Variants in ORC1 observed in about 807,000 individuals in gnomAD.
The protein encoded by ORC1 is origin recognition complex subunit 1.
In ORC1, 61 loss-of-function variants were observed where a neutral mutation model predicts 98.9. The ratio of observed to expected loss-of-function variants is 0.62; its 90% confidence interval spans 0.50 to 0.76. ORC1 has a LOEUF of 0.76. Among genes scored for constraint, ORC1 ranks in the 30% least tolerant of loss-of-function variants. The probability of loss-of-function intolerance (pLI) is 0.00; values close to 1 mark genes in which losing one functional copy is unlikely to be tolerated. For synonymous variants in ORC1, 385 were observed against 406.9 expected, an observed-to-expected ratio of 0.95 and a Z score of 0.65; for missense variants, 979 against 1,072.2, an observed-to-expected ratio of 0.91 and a Z score of 1.21.
intron 7 of ORC1, among the ~76,000 whole-genome samples, chr1:52,389,000 T>C (rs1363301996): frequency 1.3e-5 from 2 of 150,988 alleles, no homozygotes; most frequent in East Asian, 4.1e-4. Context: ...TTGCTGGACA[T>C]GATGATTAGG....
chr1:52,408,113 C>T (rs1249660863), upstream of ORC1, among the ~76,000 whole-genome samples: 2 of 149,452 alleles, frequency 1.3e-5, no homozygotes, highest in South Asian at 2.1e-4. Context: ...TGGTGGCGGG[C>T]GCCTGTAATC....
At chr1:52,399,702 G>A in intron 3 of ORC1, among the ~76,000 whole-genome samples, 1 of 151,882 alleles carries the variant, frequency 6.6e-6, no homozygotes, top group Non-Finnish European at 1.5e-5. Flanking sequence ...CAGCTACTTG[G>A]GAGGCTGAGG....
At chr1:52,408,181 A>T, upstream of ORC1, 1 of 338,566 alleles carries the variant, frequency 3.0e-6, no homozygotes, top group Non-Finnish European at 5.7e-6. Flanking sequence ...CGGAGGTTGC[A>T]GTGAGCCAAG....
chr1:52,374,904 G>A lies in ORC1; in HGVS notation c.2304-7C>T. On this transcript the variant is annotated splice_region_variant and splice_polypyrimidine_tract_variant and intron_variant, in intron 15 of 16. Transcript: ENST00000371568. ...TTCCAGAACAGAGGAATTTCTTAAA[G>A]GAAACGAGGGGATGTGAGTTTTTGT... 6.3e-7 allele frequency: 1 copy of A among 1,593,946 alleles called. No individual in the cohort carries two copies. The highest frequency in any genetic ancestry group is 8.6e-7 in the Non-Finnish European group (1 of 1,161,712).
Position 52,393,725 on chromosome 1 carries a change from G to C in ORC1, c.800C>G (p.Ala267Gly). The change falls in exon 6 of 17, where the codon GCC becomes GGC. Residue 267 changes from alanine to glycine, a missense_variant. Transcript: ENST00000371568. Reference sequence around the variant, plus strand: ...AGAAGGTGAGGTGATCTCCGAGAAGGCCACTTTCCGTTTTATTCTTCCTGG... The same window carrying C: ...AGAAGGTGAGGTGATCTCCGAGAAGCCCACTTTCCGTTTTATTCTTCCTGG... ...DSPGRIKRKV[A>G]FSEITSPSKR... is the part of the protein sequence containing the mutation. 6.2e-7 allele frequency: 1 copy of C among 1,613,980 alleles called. No individual in the cohort carries two copies. The highest frequency in any genetic ancestry group is 8.5e-7 in the Non-Finnish European group (1 of 1,179,994).
At chr1:52,379,552 G>T (rs1647035903) in intron 14 of ORC1, among the ~76,000 whole-genome samples, 1 of 151,984 alleles carries the variant, frequency 6.6e-6, no homozygotes, top group Admixed American at 6.6e-5. Context: ...CAAAAGTAGA[G>T]AATATTTGGT....
intron 14 of ORC1, 34 bp downstream of exon 14, chr1:52,381,608 G>A: frequency 1.2e-6 from 2 of 1,609,196 alleles, no homozygotes; most frequent in Non-Finnish European, 1.7e-6. Context: ...GCAAAGATGT[G>A]CTGACTGATT....
Position 52,381,727 on chromosome 1 carries a change from T to C in ORC1, c.2048A>G (p.Tyr683Cys). 1 of 1,613,534 alleles carries C rather than the reference T, an allele frequency of 6.2e-7. No individual in the cohort carries two copies. Among genetic ancestry groups the C allele is most frequent in the Non-Finnish European group, 8.5e-7 (1 of 1,179,694 alleles). ...CCTTAGGATCTGCTGCAGCTGGCTA[T>C]ATGTATAGGGCTGGAAGCACATCCT... ...LTRMCFQPYT[Y>C]SQLQQILRSR... Residue 683 changes from tyrosine to cysteine, a missense_variant, in exon 14 of 17, where the codon TAT (tyrosine) becomes TGT (cysteine). By Grantham distance (194) the Tyr-to-Cys change is radical (BLOSUM62 -2). Transcript: ENST00000371568.
In ORC1 at chr1:52,384,599, T is replaced by C; in HGVS notation, c.1706A>G (p.Asn569Ser). The change falls in exon 11 of 17, where the codon AAT becomes AGT. Residue 569 changes from asparagine (N) to serine (S), a missense_variant. Coordinates refer to ENST00000371568, the MANE Select transcript of ORC1 (RefSeq NM_004153.4). ...DVPPFQYIEV[N>S]GMKLTEPHQV... ...GTGGGGCTCCGTCAGCTTCATGCCA[T>C]TGACCTCAATGTATTGAAAGGGAGG... The C allele has an allele frequency of 6.2e-7, 1 of 1,614,102 alleles. No homozygotes were observed. Among genetic ancestry groups the C allele is most frequent in the South Asian group, 1.1e-5 (1 of 91,080 alleles).
chr1:52,408,487 C>T, upstream of ORC1: 6 of 1,567,084 alleles, frequency 3.8e-6, no homozygotes, highest in Non-Finnish European at 4.4e-6. Flanking sequence ...CATGTTTATC[C>T]ACTACTGTCA....
chr1:52,387,480 TAG>T (rs201473504), intron 8 of ORC1, among the ~76,000 whole-genome samples: 1,826 of 152,256 alleles, frequency 0.012, 46 homozygotes, highest in African/African-American at 0.042. Flanking sequence ...TTTCTTGAGA[TAG>T]AGTCTCACTC....
intron 5 of ORC1, among the ~76,000 whole-genome samples, chr1:52,394,348 T>G (rs1647301391): frequency 6.6e-6 from 1 of 152,232 alleles, no homozygotes. Context: ...GCTGCTCATT[T>G]GCAGATACCA....
At chr1:52,385,060 G>T in intron 10 of ORC1, 101 bp downstream of exon 10, 1 of 833,828 alleles carries the variant, frequency 1.2e-6, no homozygotes, top group Middle Eastern at 3.0e-4. Flanking sequence ...CTAGTCTGCT[G>T]ATACTGGAGA....
chr1:52,373,198 C>T lies in ORC1; in HGVS notation c.2569G>A (p.Ala857Thr), dbSNP rs746404528. Residue 857 changes from alanine to threonine, a missense_variant, in exon 17 of 17, where the codon GCG (alanine) becomes ACG (threonine). By Grantham distance (58) the Ala-to-Thr change is moderately conservative. Transcript: ENST00000371568. ...AAGCCCCTTTACTCGTCTTTCAGCG[C>T]ATACAGCACATCATCCTGGCTGACG... ...LNVSQDDVLY[A>T]LKDE 5 of 1,614,050 alleles carry T rather than the reference C, an allele frequency of 3.1e-6. No individual in the cohort carries two copies. Among genetic ancestry groups the T allele is most frequent in the Non-Finnish European group, 4.2e-6 (5 of 1,180,030 alleles).
chr1:52,407,023 C>CA (rs1553149453), upstream of ORC1, among the ~76,000 whole-genome samples: 1 of 151,838 alleles, frequency 6.6e-6, no homozygotes, highest in East Asian at 1.9e-4. Flanking sequence ...AGGAACAACT[C>CA]TTTTTTTTGT....
At chr1:52,395,751 G>GC (rs1365377998) in intron 5 of ORC1, among the ~76,000 whole-genome samples, 1 of 152,226 alleles carries the variant, frequency 6.6e-6, no homozygotes, top group Non-Finnish European at 1.5e-5. Context: ...AAGAGGTCAA[G>GC]CCTACAATAA....
intron 8 of ORC1, among the ~76,000 whole-genome samples, chr1:52,386,942 A>G (rs1647150621): frequency 6.6e-6 from 1 of 152,166 alleles, no homozygotes; most frequent in South Asian, 2.1e-4. Flanking sequence ...GAGACAGAGC[A>G]AGAGCGTGTC....
At chr1:52,399,452 G>A (rs927516005) in intron 3 of ORC1, among the ~76,000 whole-genome samples, 5 of 151,844 alleles carry the variant, frequency 3.3e-5, no homozygotes, top group South Asian at 4.2e-4. Context: ...GTGAAACCCC[G>A]TCTCTACTAA....
chr1:52,389,167 A>G (rs1485070693), intron 7 of ORC1, 50 bp downstream of exon 7: 1 of 1,312,440 alleles, frequency 7.6e-7, no homozygotes, highest in South Asian at 1.2e-5. Context: ...AAGATTATAG[A>G]TATCAGAGAT....
Sources: allele counts gnomAD v4.1 joint callset (sites outside exome capture counted in the v4.1 genomes callset), GRCh38; gene constraint gnomAD v4.1.1; transcripts MANE v1.5; gene names NCBI Gene and HGNC (gene_info 2026-07-23, HGNC 2026-07-21).